PDGFD: variants seen among roughly 807,000 people sequenced by gnomAD.
PDGFD encodes platelet derived growth factor D, also known as platelet-derived growth factor D.
A neutral mutation model predicts 44.7 loss-of-function variants in PDGFD; 30 were observed. The observed-to-expected ratio is 0.67, with a 90% CI of 0.50 to 0.91. The LOEUF (loss-of-function observed/expected upper bound fraction) is 0.91, where lower values mean the gene tolerates loss of function less well. PDGFD is among the 40% of genes least tolerant of loss of function. The pLI is 0.00. For synonymous variants in PDGFD, 173 were observed against 168.4 expected (o/e 1.03, Z -0.21); for missense variants, 445 against 457.8 (o/e 0.97, Z 0.25).
At chr11:104,151,733 G>A (rs566097942) in intron 1 of PDGFD, among the ~76,000 whole-genome samples, 1 of 152,156 alleles carries the variant, frequency 6.6e-6, no homozygotes, top group Non-Finnish European at 1.5e-5. Flanking sequence ...AAGACTTCTG[G>A]TCCTAAAATT....
chr11:104,105,590 T>C (rs1177440279), intron 1 of PDGFD, among the ~76,000 whole-genome samples: 1 of 152,094 alleles, frequency 6.6e-6, no homozygotes, highest in Non-Finnish European at 1.5e-5. Context: ...TTTCATATTT[T>C]CCAAACGCTT....
intron 5 of PDGFD, among the ~76,000 whole-genome samples, chr11:103,933,151 T>C (rs951936652): frequency 4.6e-5 from 7 of 152,296 alleles, no homozygotes; most frequent in Middle Eastern, 3.4e-3. Flanking sequence ...AACATTTCCC[T>C]TTAATGTTGC....
At chr11:103,925,821 C>T (rs757430021) in intron 6 of PDGFD, among the ~76,000 whole-genome samples, 5 of 150,964 alleles carry the variant, frequency 3.3e-5, no homozygotes, top group Admixed American at 6.6e-5. Flanking sequence ...CTCCGCCTCC[C>T]GGGTTCAAGT....
intron 5 of PDGFD, among the ~76,000 whole-genome samples, chr11:103,939,079 C>T (rs1858539508): frequency 6.6e-6 from 1 of 151,964 alleles, no homozygotes; most frequent in Non-Finnish European, 1.5e-5. Context: ...TAGTTTTTTC[C>T]AATTCTGTGA....
At chr11:103,910,177 G>A (rs73608035) in intron 6 of PDGFD, among the ~76,000 whole-genome samples, 2,253 of 152,322 alleles carry the variant, frequency 0.015, 50 homozygotes, top group African/African-American at 0.051. Context: ...CAAGGCATGT[G>A]TTATAGATGA....
intron 1 of PDGFD, among the ~76,000 whole-genome samples, chr11:104,160,888 C>A (rs2119935679): frequency 6.6e-6 from 1 of 152,238 alleles, no homozygotes; most frequent in Middle Eastern, 3.4e-3. Flanking sequence ...CATTCGACAA[C>A]CCTAACATTA....
intron 1 of PDGFD, among the ~76,000 whole-genome samples, chr11:104,019,745 G>A (rs1859921394): frequency 6.6e-6 from 1 of 152,130 alleles, no homozygotes; most frequent in Non-Finnish European, 1.5e-5. Context: ...TCCTGAGCAT[G>A]GAAGGGAGAT....
Position 103,929,067 on chromosome 11 carries a change from G to C in PDGFD, c.773-1941C>G, listed in dbSNP as rs139233648. Among the ~76,000 whole-genome samples the C allele has an allele frequency of 8.9e-4, 136 of 152,266 alleles. 1 individual carries two copies. Among genetic ancestry groups the C allele is most frequent in the African/African-American group, 3.2e-3 (133 of 41,568 alleles). Reference sequence around the variant, plus strand: ...GTGAGAAGGCAGAGAGGGACAGGACGCAAGCGGCAACACTGAGTCTCTGCT... The same window carrying C: ...GTGAGAAGGCAGAGAGGGACAGGACCCAAGCGGCAACACTGAGTCTCTGCT... On this transcript the variant is annotated intron_variant, in intron 5 of 6. Coordinates refer to ENST00000393158, the MANE Select transcript of PDGFD (RefSeq NM_025208.5).
chr11:103,970,974 G>A (rs564939416), intron 3 of PDGFD, among the ~76,000 whole-genome samples: 1 of 152,150 alleles, frequency 6.6e-6, no homozygotes, highest in Non-Finnish European at 1.5e-5. Flanking sequence ...TATACCTCTG[G>A]AAAGAAATCT....
At chr11:104,018,840 T>A (rs1859902531) in intron 1 of PDGFD, among the ~76,000 whole-genome samples, 1 of 152,232 alleles carries the variant, frequency 6.6e-6, no homozygotes, top group Admixed American at 6.5e-5. Flanking sequence ...TTGTGTAGTA[T>A]TAATGCTGTT....
intron 1 of PDGFD, among the ~76,000 whole-genome samples, chr11:104,131,028 A>T (rs375863525): frequency 4.6e-5 from 7 of 152,170 alleles, no homozygotes; most frequent in East Asian, 1.9e-4. Flanking sequence ...GTAGACAATG[A>T]TTTTTATCAT....
intron 1 of PDGFD, among the ~76,000 whole-genome samples, chr11:104,018,514 T>C (rs1382207994): frequency 6.6e-6 from 1 of 152,214 alleles, no homozygotes; most frequent in Non-Finnish European, 1.5e-5. Context: ...TCACAAACCC[T>C]GCAGTCGAAC....
At chr11:104,044,162 T>A (rs1459637920) in intron 1 of PDGFD, among the ~76,000 whole-genome samples, 1 of 152,244 alleles carries the variant, frequency 6.6e-6, no homozygotes, top group Non-Finnish European at 1.5e-5. Context: ...AGAGCAGTTA[T>A]AGAAATGCTT....
intron 1 of PDGFD, among the ~76,000 whole-genome samples, chr11:104,126,513 G>A (rs946924282): frequency 5.3e-5 from 8 of 152,136 alleles, no homozygotes; most frequent in Non-Finnish European, 8.8e-5. Context: ...AGTTTTTAAG[G>A]AGAAAAACAA....
intron 1 of PDGFD, among the ~76,000 whole-genome samples, chr11:104,135,154 TTTAAC>T (rs1861985546): frequency 5.6e-3 from 1 of 178 alleles, no homozygotes; most frequent in African/African-American, 0.033. Context: ...TATAATAACA[TTTAAC>T]ATTTAACATT....
At chr11:103,962,702 C>T (rs1444363585) in intron 3 of PDGFD, among the ~76,000 whole-genome samples, 1 of 152,168 alleles carries the variant, frequency 6.6e-6, no homozygotes, top group African/African-American at 2.4e-5. Context: ...GGAACACCGA[C>T]TGTGTGACCT....
intron 3 of PDGFD, among the ~76,000 whole-genome samples, chr11:103,956,444 CT>C (rs1858851200): frequency 9.2e-6 from 1 of 108,682 alleles, no homozygotes; most frequent in Non-Finnish European, 1.8e-5. Context: ...GCCACATTTT[CT>C]TAATCCAGTC....
At chr11:104,068,545 T>A (rs913331280) in intron 1 of PDGFD, among the ~76,000 whole-genome samples, 6 of 152,210 alleles carry the variant, frequency 3.9e-5, no homozygotes, top group African/African-American at 1.2e-4. Flanking sequence ...ATAAATTACA[T>A]AATTGCTACA....
intron 3 of PDGFD, among the ~76,000 whole-genome samples, chr11:103,962,888 A>AT (rs370885552): frequency 9.3e-4 from 141 of 152,060 alleles, no homozygotes; most frequent in African/African-American, 3.1e-3. Flanking sequence ...CTAACATATT[A>AT]TTTTTTTTAT....
Sources: gnomAD v4.1 joint callset for allele counts (sites outside exome capture counted in the v4.1 genomes callset) on GRCh38, gnomAD v4.1.1 for gene constraint, MANE v1.5 for transcripts, NCBI Gene and HGNC (gene_info 2026-07-23, HGNC 2026-07-21) for gene names.